The following TSPAN31 variants were observed in gnomAD, a reference collection of about 807,000 sequenced individuals.
TSPAN31 encodes tetraspanin-31.
TSPAN31 carries 16 observed loss-of-function variants against 24.8 expected under a neutral mutation model. That is an observed-to-expected ratio of 0.64 (90% CI 0.44 to 0.98). The LOEUF (loss-of-function observed/expected upper bound fraction) is 0.98. Among genes scored for constraint, TSPAN31 ranks in the 50% least tolerant of loss-of-function variants. The probability of loss-of-function intolerance (pLI) is 0.00; values close to 1 mark genes in which losing one functional copy is unlikely to be tolerated. For missense variants in TSPAN31, 209 were observed against 251.6 expected (o/e 0.83, Z 1.15); for synonymous variants, 87 against 91.4 (o/e 0.95, Z 0.27).
In TSPAN31 at chr12:57,749,348, G is replaced by A. The variant is rs2140383320; in HGVS notation, c.*2058G>A. 6.2e-7 allele frequency: 1 copy of A among 1,614,134 alleles called. No homozygotes were observed. Among genetic ancestry groups the A allele is most frequent in the Non-Finnish European group, 8.5e-7 (1 of 1,179,966 alleles). On this transcript the variant is annotated 3_prime_UTR_variant, in exon 6 of 6. Coordinates refer to ENST00000257910, the MANE Select transcript of TSPAN31 (RefSeq NM_005981.5). ...GGGGACAGGAGAACTCTGGTCAGGA[G>A]GGTCCTCCAGTTCCCATCCCCATGG...
chr12:57,749,049 G>T lies in TSPAN31; in HGVS notation c.*1759G>T, dbSNP rs1955196629. The T allele has an allele frequency of 8.7e-7, 1 of 1,151,556 alleles. No homozygotes were observed. Among genetic ancestry groups the T allele is most frequent in the Non-Finnish European group, 1.3e-6 (1 of 763,598 alleles). 71.3% of individuals were successfully genotyped at this position (1,151,556 alleles called of 1,614,324 possible). A position where few individuals can be genotyped will look rare whatever the true frequency, so the allele number is the denominator to read the frequency against. On this transcript the variant is annotated 3_prime_UTR_variant, in exon 6 of 6. Transcript: ENST00000257910. ...TATCCTTCTCTGTGGGTGGCTATTT[G>T]CAGCTGTAATAAAAACTACAGCCCA... is the stretch of plus-strand genomic sequence containing the variant.
At position 57,747,109 on chromosome 12, in the gene TSPAN31, G is replaced by C. The variant is rs1319338037; in HGVS notation, c.536G>C (p.Gly179Ala). 1 of 1,614,152 alleles carries C rather than the reference G, an allele frequency of 6.2e-7. No homozygotes were observed. The highest frequency in any genetic ancestry group is 1.3e-5 in the African/African-American group (1 of 75,028). The change falls in exon 5 of 6, where the codon GGA (glycine) becomes GCA (alanine). Residue 179 changes from glycine (G) to alanine (A), a missense_variant. Coordinates refer to ENST00000257910, the MANE Select transcript of TSPAN31 (RefSeq NM_005981.5). ...DEALKILGGV[G>A]LFFSFTEILG... ...GCCCTGAAAATCCTAGGGGGTGTTGGACTCTTCTTTAGCTTTACAGAGGTA... is the reference window on the plus strand; with the variant it reads ...GCCCTGAAAATCCTAGGGGGTGTTGCACTCTTCTTTAGCTTTACAGAGGTA...
intron 1 of TSPAN31, 117 bp from the exon 2 acceptor site, chr12:57,745,628 C>T: frequency 7.7e-7 from 1 of 1,299,994 alleles, no homozygotes; most frequent in Non-Finnish European, 1.1e-6. Flanking sequence ...CCCCAGCTCC[C>T]ATTCACACAC....
At chr12:57,745,365 C>A in intron 1 of TSPAN31, 148 bp downstream of exon 1, 1 of 702,400 alleles carries the variant, frequency 1.4e-6, no homozygotes, top group Non-Finnish European at 2.1e-6. Flanking sequence ...TGGGGACTTC[C>A]GTGGGAGAGA....
At chr12:57,746,287 G>C (rs770272045) in intron 3 of TSPAN31, 31 bp downstream of exon 3, 33 of 1,600,098 alleles carry the variant, frequency 2.1e-5, no homozygotes, top group Non-Finnish European at 2.8e-5. Context: ...GTACTTACTT[G>C]CTTTTTAAAA....
chr12:57,748,996 G>A lies in TSPAN31; in HGVS notation c.*1706G>A, dbSNP rs556272189. 16 of 766,632 alleles carry A rather than the reference G, an allele frequency of 2.1e-5. No homozygotes were observed. The highest frequency in any genetic ancestry group is 1.8e-4 in the African/African-American group (10 of 57,128). 47.5% of individuals were successfully genotyped at this position (766,632 alleles called of 1,614,324 possible). The stretch of plus-strand genomic sequence containing the variant: ...GCTGGGATTACAGGCGTGAGCCACC[G>A]TGCCCAGCCAGGATGGGTTCTCTTC... On this transcript the variant is annotated 3_prime_UTR_variant, in exon 6 of 6. Transcript: ENST00000257910.
intron 1 of TSPAN31, chr12:57,745,467 C>T: frequency 1.7e-6 from 1 of 598,420 alleles, no homozygotes. Flanking sequence ...TTCCTGTGAA[C>T]CTCAGTTTCT....
At chr12:57,746,490 C>T (rs1255522926) in intron 3 of TSPAN31, 99 bp from the exon 4 acceptor site, 12 of 1,444,764 alleles carry the variant, frequency 8.3e-6, no homozygotes, top group Non-Finnish European at 1.2e-5. Context: ...CACCGTTATG[C>T]TTCTGTTTGA....
rs771755893 is a variant in TSPAN31, at chr12:57,749,411, G to A, written c.*2121G>A. ...GCCATCCTGGGTTCAGCAGAAAGAG[G>A]ACTCAGAATAGAAAATCTTTTTCTC... is the stretch of plus-strand genomic sequence containing the variant. On this transcript the variant is annotated 3_prime_UTR_variant, in exon 6 of 6. Coordinates refer to ENST00000257910, the MANE Select transcript of TSPAN31 (RefSeq NM_005981.5). 6.2e-7 allele frequency: 1 copy of A among 1,613,058 alleles called. No homozygotes were observed.
rs555737823 is a variant in TSPAN31 at position 57,746,625 on chromosome 12, A to G, written c.349A>G (p.Asn117Asp). 2 of 1,614,186 alleles carry G rather than the reference A, an allele frequency of 1.2e-6. No individual in the cohort carries two copies. Among genetic ancestry groups the G allele is most frequent in the Non-Finnish European group, 1.7e-6 (2 of 1,180,044 alleles). Residue 117 changes from asparagine to aspartate, a missense_variant, in exon 4 of 6, where the codon AAC (asparagine) becomes GAC (aspartate). Coordinates refer to ENST00000257910, the MANE Select transcript of TSPAN31 (RefSeq NM_005981.5). ...CAATGCTTCTTGGTGGGTCATGAGC[A>G]ACAAGACTCGGGATGAACTGGAAAG... is the stretch of plus-strand genomic sequence containing the variant. Reference protein sequence around the residue: ...VINASWWVMSNKTRDELERSF... With the variant: ...VINASWWVMSDKTRDELERSF...
rs1221348467 is a variant in TSPAN31 at position 57,745,815 on chromosome 12, T to C, written c.134T>C (p.Ile45Thr). 1 of 1,614,086 alleles carries C rather than the reference T, an allele frequency of 6.2e-7. No individual in the cohort carries two copies. ...CTGGGTCTGGTGTCCAGCATCCACA[T>C]CATCGGCGGAGTCATTGCTGTGGGA... The part of the protein sequence containing the change: ...KGLGLVSSIH[I>T]IGGVIAVGVF... Residue 45 changes from isoleucine to threonine, a missense_variant, in exon 2 of 6, where the codon ATC (isoleucine) becomes ACC (threonine). Physicochemically the swap from Ile to Thr is moderately conservative, Grantham distance 89. Coordinates refer to ENST00000257910, the MANE Select transcript of TSPAN31 (RefSeq NM_005981.5).
At position 57,749,388 on chromosome 12, in the gene TSPAN31, C is replaced by T. The variant is rs2140383498; in HGVS notation, c.*2098C>T. 1 of 1,612,780 alleles carries T rather than the reference C, an allele frequency of 6.2e-7. No homozygotes were observed. The highest frequency in any genetic ancestry group is 8.5e-7 in the Non-Finnish European group (1 of 1,178,746). On this transcript the variant is annotated 3_prime_UTR_variant, in exon 6 of 6. Coordinates refer to ENST00000257910, the MANE Select transcript of TSPAN31 (RefSeq NM_005981.5). ...CATCCCCATGGGCAGAGCCAGTTGCCATCCTGGGTTCAGCAGAAAGAGGAC... is the reference window on the plus strand; with the variant it reads ...CATCCCCATGGGCAGAGCCAGTTGCTATCCTGGGTTCAGCAGAAAGAGGAC...
At chr12:57,745,241 G>T in intron 1 of TSPAN31, 24 bp downstream of exon 1, 1 of 1,606,146 alleles carries the variant, frequency 6.2e-7, no homozygotes, top group South Asian at 1.1e-5. Context: ...GGTGGGGGAA[G>T]CTTCAAGGCG....
chr12:57,746,205 C>T lies in TSPAN31; in HGVS notation c.261C>T (p.Ile87=), dbSNP rs372257992. ...TGATCATCCTTGGTTTGGTCTTCAT[C>T]TTCCAATTTGTAATCTCTTGCTCAT... ...FYMIILGLVF[I]FQFVISCSCL... is the part of the protein sequence containing the mutation. Residue 87 remains isoleucine, a synonymous_variant, in exon 3 of 6, where the codon ATC becomes ATT. Transcript: ENST00000257910. 6.2e-7 allele frequency: 1 copy of T among 1,614,058 alleles called. No homozygotes were observed. The highest frequency in any genetic ancestry group is 8.5e-7 in the Non-Finnish European group (1 of 1,180,010).
At chr12:57,745,966 TAAGG>T in intron 2 of TSPAN31, 54 bp downstream of exon 2, 3 of 1,552,302 alleles carry the variant, frequency 1.9e-6, no homozygotes, top group Non-Finnish European at 2.6e-6. Flanking sequence ...GGCTGTCATC[TAAGG>T]AAGATGTTAG....
At chr12:57,745,267 G>A in intron 1 of TSPAN31, 50 bp downstream of exon 1, 2 of 1,580,904 alleles carry the variant, frequency 1.3e-6, no homozygotes, top group South Asian at 2.3e-5. Flanking sequence ...GCCCCGTGGG[G>A]AGAATCTCTA....
In TSPAN31 at chr12:57,745,165, G is replaced by A. The variant is rs914202053; in HGVS notation, c.11G>A (p.Gly4Asp). The A allele has an allele frequency of 5.0e-6, 8 of 1,603,340 alleles. No individual in the cohort carries two copies. In the Admixed American group the frequency reaches 5.1e-5, roughly 10 times the overall value. Residue 4 changes from glycine to aspartate, a missense_variant, in exon 1 of 6, where the codon GGC (glycine) becomes GAC (aspartate). Gly to Asp is a moderately conservative substitution (Grantham distance 94). Transcript: ENST00000257910. ...CCCAGAGCTGGGGAGATGGTTTGTGGCGGCTTTGCCTGCTCCAAGAATGCG... is the reference window on the plus strand; with the variant it reads ...CCCAGAGCTGGGGAGATGGTTTGTGACGGCTTTGCCTGCTCCAAGAATGCG... MVCGGFACSKNALC... is the reference protein window; with the variant it reads MVCDGFACSKNALC...
intron 3 of TSPAN31, 48 bp from the exon 4 acceptor site, chr12:57,746,541 A>G (rs1382465457): frequency 3.1e-6 from 5 of 1,612,298 alleles, no homozygotes; most frequent in African/African-American, 2.7e-5. Flanking sequence ...ACTTGAACTG[A>G]TAACAGGATG....
intron 5 of TSPAN31, 33 bp from the exon 6 acceptor site, chr12:57,747,183 T>C (rs113848162): frequency 3.6e-4 from 575 of 1,612,614 alleles, no homozygotes; most frequent in Non-Finnish European, 4.4e-4. Flanking sequence ...TGAGAATTAA[T>C]TGATACTTAT....
Sources: allele counts gnomAD v4.1 joint callset, GRCh38; gene constraint gnomAD v4.1.1; transcripts MANE v1.5; gene names NCBI Gene and HGNC (gene_info 2026-07-23, HGNC 2026-07-21).